HIVEP1: variants seen among roughly 807,000 people sequenced by gnomAD.
The protein encoded by HIVEP1 is HIVEP zinc finger 1, also known as zinc finger protein 40.
Under a neutral mutation model 180.0 loss-of-function variants are expected in HIVEP1, and 36 were observed. The ratio of observed to expected loss-of-function variants is 0.20; its 90% confidence interval spans 0.15 to 0.26. The LOEUF (loss-of-function observed/expected upper bound fraction) is 0.26. Among genes scored for constraint, HIVEP1 ranks in the 10% least tolerant of loss-of-function variants. The pLI, the probability that HIVEP1 is intolerant of heterozygous loss-of-function variation, is 1.00. For synonymous variants in HIVEP1, 1,239 were observed against 1,239.0 expected (o/e 1.00, Z 0.00); for missense variants, 3,143 against 3,268.7 (o/e 0.96, Z 0.94).
intron 7 of HIVEP1, among the ~76,000 whole-genome samples, chr6:12,142,643 CTAAT>C (rs1759119099): frequency 6.6e-6 from 1 of 151,598 alleles, no homozygotes; most frequent in East Asian, 1.9e-4. Flanking sequence ...GCTAGCAAGA[CTAAT>C]AAAGAAGAAA....
intron 7 of HIVEP1, among the ~76,000 whole-genome samples, chr6:12,150,878 CAT>C (rs1025514801): frequency 2.9e-4 from 44 of 152,176 alleles, no homozygotes; most frequent in African/African-American, 1.0e-3. Context: ...TATTTCTAAA[CAT>C]ATGTGAAAAA....
chr6:12,060,317 C>T (rs545874547), intron 2 of HIVEP1, among the ~76,000 whole-genome samples: 1 of 152,310 alleles, frequency 6.6e-6, no homozygotes, highest in East Asian at 1.9e-4. Flanking sequence ...ATATTTGCTT[C>T]TTTAAATATA....
At position 12,141,467 on chromosome 6, in the gene HIVEP1, C is replaced by T. The variant is rs180967883; in HGVS notation, c.6487+5575C>T. 5.2e-4 allele frequency among the ~76,000 whole-genome samples: 79 copies of T among 151,962 alleles called. 1 individual carries two copies. The highest frequency in any genetic ancestry group is 1.7e-3 in the South Asian group (8 of 4,826). On this transcript the variant is annotated intron_variant, in intron 7 of 8. Coordinates refer to ENST00000379388, the MANE Select transcript of HIVEP1 (RefSeq NM_002114.4). ...GCTTGGAAGAAACTGCATCAACTAA[C>T]GGGCAAAATAACCAGCTAACATAGT... is the stretch of plus-strand genomic sequence containing the variant.
chr6:12,167,886 AGATG>A, downstream of HIVEP1, among the ~76,000 whole-genome samples: 1 of 143,786 alleles, frequency 7.0e-6, no homozygotes, highest in African/African-American at 2.5e-5. Context: ...GTACATGTAT[AGATG>A]TGCGTATATA....
rs903708733 is a variant in HIVEP1, at chr6:12,108,800, C to T, written c.95-11090C>T. On this transcript the variant is annotated intron_variant, in intron 3 of 8. Transcript: ENST00000379388. ...CACACCTCCCTGCAAGCTGAGGGAG[C>T]CGGCTCTGGCCTTGGCCAGCCCAGA... 2.6e-5 allele frequency among the ~76,000 whole-genome samples: 4 copies of T among 152,276 alleles called. No individual in the cohort carries two copies. In the East Asian group the frequency reaches 5.8e-4, roughly 22 times the overall value.
chr6:12,102,465 C>G (rs1774167294), intron 3 of HIVEP1, among the ~76,000 whole-genome samples: 1 of 151,038 alleles, frequency 6.6e-6, no homozygotes, highest in African/African-American at 2.4e-5. Context: ...CTTCCAGTCC[C>G]ACATTGTCCC....
chr6:12,071,769 A>G (rs1156455006), intron 2 of HIVEP1, among the ~76,000 whole-genome samples: 1 of 152,202 alleles, frequency 6.6e-6, no homozygotes, highest in Non-Finnish European at 1.5e-5. Flanking sequence ...AAATAATTTA[A>G]TATTACTAAG....
chr6:12,164,458 C>T lies in HIVEP1; in HGVS notation c.8154C>T (p.Thr2718=). Residue 2718 remains threonine (T), a synonymous_variant, in exon 9 of 9, where the codon ACC becomes ACT. Coordinates refer to ENST00000379388, the MANE Select transcript of HIVEP1 (RefSeq NM_002114.4). ...ACGAGGACAGGCTTGTGATAGCAAC[C>T]TGATGGATTTTATTTTTTATTTGCT... ...DDDEDRLVIA[T] The T allele has an allele frequency of 6.3e-7, 1 of 1,575,652 alleles. No homozygotes were observed. Among genetic ancestry groups the T allele is most frequent in the Non-Finnish European group, 8.6e-7 (1 of 1,166,214 alleles).
At chr6:12,107,256 G>A (rs902983597) in intron 3 of HIVEP1, among the ~76,000 whole-genome samples, 5 of 152,178 alleles carry the variant, frequency 3.3e-5, no homozygotes, top group African/African-American at 4.8e-5. Context: ...ACTGTAATCC[G>A]TGTAAGTGTG....
At chr6:12,102,745 C>T (rs898628475) in intron 3 of HIVEP1, among the ~76,000 whole-genome samples, 4 of 152,154 alleles carry the variant, frequency 2.6e-5, no homozygotes, top group African/African-American at 9.7e-5. Context: ...GCAAGAAGCG[C>T]ATTATTTGAA....
At chr6:12,201,717 C>T in the HIVEP1 span, among the ~76,000 whole-genome samples, 3 of 152,084 alleles carry the variant, frequency 2.0e-5, no homozygotes, top group African/African-American at 7.2e-5. Flanking sequence ...TTATTTTCAT[C>T]GTATTTTGTT....
intron 7 of HIVEP1, 29 bp from the exon 8 acceptor site, chr6:12,161,410 A>T (rs1217900756): frequency 1.9e-6 from 3 of 1,587,282 alleles, no homozygotes; most frequent in Non-Finnish European, 2.6e-6. Context: ...AAAGCATTCC[A>T]TCACATACCT....
the HIVEP1 span, among the ~76,000 whole-genome samples, chr6:12,180,090 G>A: frequency 2.0e-5 from 3 of 150,860 alleles, no homozygotes; most frequent in Non-Finnish European, 4.4e-5. Context: ...CTGTGTGCTA[G>A]GTATCCTGCT....
intron 3 of HIVEP1, among the ~76,000 whole-genome samples, chr6:12,102,966 G>A (rs1226611083): frequency 1.3e-5 from 2 of 151,720 alleles, no homozygotes; most frequent in African/African-American, 2.4e-5. Flanking sequence ...TTAATAATTA[G>A]AATAATAGCT....
At chr6:12,042,218 T>C (rs1561880583) in intron 2 of HIVEP1, among the ~76,000 whole-genome samples, 1 of 150,610 alleles carries the variant, frequency 6.6e-6, no homozygotes, top group Admixed American at 6.6e-5. Flanking sequence ...TAGCTGGGAC[T>C]ACAGGCGCCC....
intron 2 of HIVEP1, among the ~76,000 whole-genome samples, chr6:12,078,880 C>T (rs746743645): frequency 4.6e-5 from 7 of 151,876 alleles, no homozygotes; most frequent in African/African-American, 1.2e-4. Context: ...CCCAACCATC[C>T]GTAAATCTGC....
the HIVEP1 span, among the ~76,000 whole-genome samples, chr6:12,184,795 A>G: frequency 6.6e-6 from 1 of 152,224 alleles, no homozygotes; most frequent in African/African-American, 2.4e-5. Flanking sequence ...CCCATAGAGT[A>G]AAAGGTTCAG....
the HIVEP1 span, among the ~76,000 whole-genome samples, chr6:12,205,485 T>C: frequency 6.7e-6 from 1 of 149,960 alleles, no homozygotes; most frequent in Non-Finnish European, 1.5e-5. Flanking sequence ...AAAAAAAAAA[T>C]TTGAACAAAG....
chr6:12,120,502 T>TA lies in HIVEP1; in HGVS notation c.713dup (p.Asn238LysfsTer17). ...AAAACTGCACGTTCCCCTCCCAAATTAAAAAACAGTTCAATGGATGCCCCA... is the reference window on the plus strand; with the variant it reads ...AAAACTGCACGTTCCCCTCCCAAATTAAAAAAACAGTTCAATGGATGCCCCA... On this transcript the variant is annotated frameshift_variant, in exon 4 of 9. Coordinates refer to ENST00000379388, the MANE Select transcript of HIVEP1 (RefSeq NM_002114.4). LOFTEE classifies it high-confidence loss of function. 6.2e-7 allele frequency: 1 copy of TA among 1,614,088 alleles called. No homozygotes were observed.
Sources: allele counts gnomAD v4.1 joint callset (sites outside exome capture counted in the v4.1 genomes callset), GRCh38; gene constraint gnomAD v4.1.1; transcripts MANE v1.5; gene names NCBI Gene and HGNC (gene_info 2026-07-23, HGNC 2026-07-21).